PSMG2: variants seen among roughly 807,000 people sequenced by gnomAD.
The protein encoded by PSMG2 is CD40 ligand-activated specific transcript 3.
Under a neutral mutation model 31.5 loss-of-function variants are expected in PSMG2, and 21 were observed. That is an observed-to-expected ratio of 0.67 (90% CI 0.47 to 0.96). The LOEUF is 0.96. Among genes scored for constraint, PSMG2 ranks in the 40% least tolerant of loss-of-function variants. The pLI, the probability that PSMG2 is intolerant of heterozygous loss-of-function variation, is 0.00. For missense variants in PSMG2, 318 were observed against 321.2 expected (o/e 0.99, Z 0.08); for synonymous variants, 120 against 110.4 (o/e 1.09, Z -0.54).
chr18:12,702,662 T>C, upstream of PSMG2: 1 of 1,245,592 alleles, frequency 8.0e-7, no homozygotes, highest in South Asian at 1.4e-5. Context: ...GCCGCAGCCG[T>C]TCGCCTAGCG....
intron 1 of PSMG2, chr18:12,686,311 C>T: frequency 6.2e-7 from 1 of 1,613,940 alleles, no homozygotes; most frequent in Non-Finnish European, 8.5e-7. Flanking sequence ...CTCCTGTTTA[C>T]CTCCTCCTCC....
chr18:12,693,186 C>T (rs1292308101), intron 1 of PSMG2, among the ~76,000 whole-genome samples: 1 of 152,008 alleles, frequency 6.6e-6, no homozygotes, highest in African/African-American at 2.4e-5. Flanking sequence ...ATAGAATAAA[C>T]TTATGTTTTA....
intron 1 of PSMG2, among the ~76,000 whole-genome samples, chr18:12,704,752 G>C (rs190527109): frequency 6.6e-6 from 1 of 152,178 alleles, no homozygotes; most frequent in Non-Finnish European, 1.5e-5. Flanking sequence ...GCATGTTTAC[G>C]TGCTGATGGG....
At chr18:12,686,826 A>C (rs1206090493) in intron 1 of PSMG2, 3 of 158,168 alleles carry the variant, frequency 1.9e-5, no homozygotes, top group Non-Finnish European at 4.2e-5. Context: ...ATTTAACAAC[A>C]TATAGCCAGA....
intron 3 of PSMG2, among the ~76,000 whole-genome samples, chr18:12,714,217 G>A (rs901214121): frequency 9.9e-5 from 15 of 152,116 alleles, no homozygotes; most frequent in Non-Finnish European, 2.1e-4. Flanking sequence ...AGTTCCTCAC[G>A]TTCCAAGTTC....
rs1396436721 is a variant in PSMG2, at chr18:12,721,330, ACTTATT to A, written c.581+651_581+656del. Among the ~76,000 whole-genome samples the A allele has an allele frequency of 7.2e-5, 11 of 152,236 alleles. No individual in the cohort carries two copies. The East Asian group carries it at 1.9e-3, about 27-fold the overall frequency. On this transcript the variant is annotated intron_variant, in intron 5 of 6. Coordinates refer to ENST00000317615, the MANE Select transcript of PSMG2 (RefSeq NM_020232.5). ...TGTGTGACTTTTTAGGGATTCTAAT[ACTTATT>A]CTTTGCAACCTCTACACGCGCACTT...
chr18:12,686,066 TATTTTTTATTATTGTA>T, intron 1 of PSMG2: 1 of 468,390 alleles, frequency 2.1e-6, no homozygotes, highest in Non-Finnish European at 3.8e-6. Context: ...TAATTTGTAC[TATTTTTTATTATTGTA>T]ATTTTTTACT....
Position 12,672,661 on chromosome 18 carries a change from C to T in PSMG2, c.-37+13888C>T, listed in dbSNP as rs1375363410. On this transcript the variant is annotated intron_variant, in intron 1 of 6. Transcript: ENST00000585331. The stretch of plus-strand genomic sequence containing the variant: ...CTGCAAGATCACAATTTATCAGTAT[C>T]ATAACAAAGAGGTATAATAAAGTTT... The T allele has an allele frequency of 9.2e-6, 9 of 980,814 alleles. No individual in the cohort carries two copies. The East Asian group carries it at 4.5e-4, about 49-fold the overall frequency. The allele number at this position is 980,814 out of a possible 1,614,324, so 60.8% of individuals were successfully genotyped here.
At chr18:12,723,785 C>T (rs577503887) in intron 5 of PSMG2, among the ~76,000 whole-genome samples, 1 of 152,282 alleles carries the variant, frequency 6.6e-6, no homozygotes, top group African/African-American at 2.4e-5. Flanking sequence ...ATTTTGCCTC[C>T]ACTACCTCCT....
intron 1 of PSMG2, among the ~76,000 whole-genome samples, chr18:12,705,533 A>T (rs1356774436): frequency 2.7e-5 from 4 of 147,388 alleles, no homozygotes; most frequent in Non-Finnish European, 6.0e-5. Flanking sequence ...CATTATTTTA[A>T]GTCATGGGAA....
At chr18:12,675,546 C>T (rs1157287484) in intron 1 of PSMG2, among the ~76,000 whole-genome samples, 1 of 152,114 alleles carries the variant, frequency 6.6e-6, no homozygotes, top group Non-Finnish European at 1.5e-5. Context: ...ATTTACTGAA[C>T]ATGTACTCTA....
intron 1 of PSMG2, chr18:12,697,217 C>G: frequency 1.3e-6 from 2 of 1,594,676 alleles, no homozygotes; most frequent in Non-Finnish European, 1.7e-6. Context: ...ATATTAATCA[C>G]CATACCTACA....
At chr18:12,683,407 C>G (rs536073510) in intron 1 of PSMG2, among the ~76,000 whole-genome samples, 3 of 151,116 alleles carry the variant, frequency 2.0e-5, no homozygotes, top group African/African-American at 7.3e-5. Context: ...AAAAAAAGAG[C>G]CTAACTTGGC....
At chr18:12,722,619 C>G (rs1439610949) in intron 5 of PSMG2, among the ~76,000 whole-genome samples, 2 of 152,168 alleles carry the variant, frequency 1.3e-5, no homozygotes, top group Non-Finnish European at 2.9e-5. Flanking sequence ...AAAAGTTAGA[C>G]CTACTCAGCA....
At chr18:12,671,638 CTTTCTTT>C (rs1435421013) in intron 1 of PSMG2, among the ~76,000 whole-genome samples, 15 of 82,946 alleles carry the variant, frequency 1.8e-4, no homozygotes, top group Middle Eastern at 7.7e-3. Context: ...AGGTTTCACA[CTTTCTTT>C]TTTTTTTTTT....
chr18:12,703,309 T>C (rs995909139), intron 1 of PSMG2, 145 bp downstream of exon 1: 16 of 1,009,526 alleles, frequency 1.6e-5, no homozygotes, highest in Non-Finnish European at 2.0e-5. Context: ...ACAGGGAGGT[T>C]GTAGCCGGAG....
chr18:12,715,255 C>T (rs1372042709), intron 3 of PSMG2, among the ~76,000 whole-genome samples: 4 of 152,068 alleles, frequency 2.6e-5, no homozygotes, highest in Admixed American at 1.3e-4. Context: ...GTGATCTGCC[C>T]GCCTCAACCT....
Position 12,718,568 on chromosome 18 carries a change from G to A in PSMG2, c.340G>A (p.Gly114Ser), listed in dbSNP as rs2040399788. ...ACTGCTTTCCTGGGTGAAAAGCAGT[G>A]GCTGTGCCAGAGTCATTGTTCTTTC... is the stretch of plus-strand genomic sequence containing the variant. ...EKLLSWVKSS[G>S]CARVIVLSSS... Residue 114 changes from glycine to serine, a missense_variant, in exon 4 of 7, where the codon GGC (glycine) becomes AGC (serine). By Grantham distance (56) the Gly-to-Ser change is moderately conservative. Transcript: ENST00000317615. 3 of 1,612,202 alleles carry A rather than the reference G, an allele frequency of 1.9e-6. No individual in the cohort carries two copies. Among genetic ancestry groups the A allele is most frequent in the African/African-American group, 1.3e-5 (1 of 75,018 alleles).
In PSMG2 at chr18:12,706,665, A is replaced by G; in HGVS notation, c.173A>G (p.Asn58Ser). The change falls in exon 2 of 7, where the codon AAC (asparagine) becomes AGC (serine). Residue 58 changes from asparagine to serine, a missense_variant. Transcript: ENST00000317615. Reference sequence around the variant, plus strand: ...GATTGTCTTGTGCCAATGGTTGGAAACAATCCATATGCGACCACAGAAGGA... The same window carrying G: ...GATTGTCTTGTGCCAATGGTTGGAAGCAATCCATATGCGACCACAGAAGGA... ...YTDCLVPMVG[N>S]NPYATTEGNS... is the part of the protein sequence containing the mutation. 6.2e-7 allele frequency: 1 copy of G among 1,613,826 alleles called. No individual in the cohort carries two copies. Among genetic ancestry groups the G allele is most frequent in the Non-Finnish European group, 8.5e-7 (1 of 1,179,730 alleles).
Sources: allele counts gnomAD v4.1 joint callset (sites outside exome capture counted in the v4.1 genomes callset), GRCh38; gene constraint gnomAD v4.1.1; transcripts MANE v1.5; gene names NCBI Gene and HGNC (gene_info 2026-07-23, HGNC 2026-07-21).